Variants in CFAP54 observed in about 807,000 individuals in gnomAD.
CFAP54 encodes the protein cilia- and flagella-associated protein 54.
A neutral mutation model predicts 370.4 loss-of-function variants in CFAP54; 290 were observed. That is an observed-to-expected ratio of 0.78 (90% confidence interval 0.71 to 0.86). CFAP54 has a LOEUF of 0.86. Among genes scored for constraint, CFAP54 ranks in the 40% least tolerant of loss-of-function variants. The probability of loss-of-function intolerance (pLI) is 0.00; values close to 1 mark genes in which losing one functional copy is unlikely to be tolerated. For missense variants in CFAP54, 3,399 were observed against 3,528.7 expected (o/e 0.96, Z 0.93); for synonymous variants, 1,206 against 1,236.5 (o/e 0.98, Z 0.52).
intron 17 of CFAP54, among the ~76,000 whole-genome samples, chr12:96,560,185 G>C (rs1260298386): frequency 2.6e-5 from 4 of 151,994 alleles, no homozygotes; most frequent in African/African-American, 9.7e-5. Flanking sequence ...GTTAACTATA[G>C]CCACCCTATT....
At chr12:96,788,135 T>A (rs1170493662) in intron 62 of CFAP54, among the ~76,000 whole-genome samples, 1 of 152,148 alleles carries the variant, frequency 6.6e-6, no homozygotes. Context: ...CATATTTGCT[T>A]AAGTAACACT....
chr12:96,539,112 CTCAG>C (rs1312533440), intron 13 of CFAP54, among the ~76,000 whole-genome samples: 3 of 135,060 alleles, frequency 2.2e-5, no homozygotes, highest in African/African-American at 8.4e-5. Context: ...TGCTCTGTCA[CTCAG>C]TCTGGAGTGC....
intron 38 of CFAP54, 67 bp downstream of exon 38, chr12:96,658,413 A>G: frequency 3.9e-6 from 6 of 1,520,518 alleles, no homozygotes; most frequent in Non-Finnish European, 5.4e-6. Context: ...ATAAAATACA[A>G]AGATTTAGAA....
intron 58 of CFAP54, among the ~76,000 whole-genome samples, chr12:96,760,646 C>A (rs1958324894): frequency 6.6e-6 from 1 of 152,200 alleles, no homozygotes; most frequent in Non-Finnish European, 1.5e-5. Flanking sequence ...AATTCTCCTG[C>A]CTCAGCTTCC....
At chr12:96,791,290 T>A (rs989368125) in intron 62 of CFAP54, among the ~76,000 whole-genome samples, 3 of 152,018 alleles carry the variant, frequency 2.0e-5, no homozygotes, top group Non-Finnish European at 4.4e-5. Context: ...TTTTTTAGAC[T>A]TGAAATATTG....
chr12:96,549,089 C>T (rs535696527), intron 15 of CFAP54, among the ~76,000 whole-genome samples: 3 of 152,206 alleles, frequency 2.0e-5, no homozygotes, highest in Non-Finnish European at 4.4e-5. Flanking sequence ...CTCCTGACCT[C>T]GTGATCTGCC....
In CFAP54 at chr12:96,648,018, G is replaced by A; in HGVS notation, c.4690+1G>A. 6.7e-7 allele frequency: 1 copy of A among 1,497,702 alleles called. No homozygotes were observed. Among genetic ancestry groups the A allele is most frequent in the South Asian group, 1.3e-5 (1 of 76,814 alleles). 92.8% of individuals were successfully genotyped at this position (1,497,702 alleles called of 1,614,324 possible). A position where few individuals can be genotyped will look rare whatever the true frequency, so the allele number is the denominator to read the frequency against. ...AAAAGAAAGGCCAACTTACCATCAG[G>A]TAAAATAAACATGTTAGTTTATTAT... On this transcript the variant is annotated splice_donor_variant, in intron 34 of 67. Transcript: ENST00000524981. LOFTEE classifies it high-confidence loss of function.
intron 51 of CFAP54, among the ~76,000 whole-genome samples, chr12:96,740,471 A>G (rs1387424931): frequency 1.3e-5 from 2 of 152,218 alleles, no homozygotes. Flanking sequence ...TGGATTCCTC[A>G]TAGTTAGAAT....
At chr12:96,874,249 C>T (rs1026461953) in intron 67 of CFAP54, among the ~76,000 whole-genome samples, 2 of 152,164 alleles carry the variant, frequency 1.3e-5, no homozygotes, top group African/African-American at 4.8e-5. Flanking sequence ...TGGAATTGAT[C>T]TCAATTCCAC....
intron 66 of CFAP54, among the ~76,000 whole-genome samples, chr12:96,859,286 G>C (rs1321957688): frequency 6.6e-6 from 1 of 152,134 alleles, no homozygotes; most frequent in Non-Finnish European, 1.5e-5. Context: ...TTATGCATGT[G>C]GAAATTAAAG....
At chr12:96,557,946 A>G (rs1204331681) in intron 17 of CFAP54, among the ~76,000 whole-genome samples, 1 of 152,170 alleles carries the variant, frequency 6.6e-6, no homozygotes, top group Non-Finnish European at 1.5e-5. Context: ...CTTTGAAGAC[A>G]TTATGTATAA....
chr12:96,560,155 G>C (rs897056797), intron 17 of CFAP54, among the ~76,000 whole-genome samples: 3 of 152,078 alleles, frequency 2.0e-5, no homozygotes, highest in African/African-American at 7.2e-5. Context: ...TAGCTATTTT[G>C]AAATGTATAA....
At chr12:96,694,847 C>T (rs1011172605) in intron 45 of CFAP54, among the ~76,000 whole-genome samples, 1 of 151,956 alleles carries the variant, frequency 6.6e-6, no homozygotes, top group African/African-American at 2.4e-5. Context: ...CATGGTGAAA[C>T]CCCATCTCTA....
intron 26 of CFAP54, among the ~76,000 whole-genome samples, chr12:96,617,697 A>G (rs1007265641): frequency 1.3e-5 from 2 of 152,260 alleles, no homozygotes; most frequent in Non-Finnish European, 2.9e-5. Context: ...TCTTTAGAAT[A>G]TATTTATCTG....
At chr12:96,783,712 C>T (rs185345898) in intron 60 of CFAP54, among the ~76,000 whole-genome samples, 8 of 152,236 alleles carry the variant, frequency 5.3e-5, no homozygotes, top group Non-Finnish European at 7.4e-5. Flanking sequence ...CATGGAGAAA[C>T]GCCGTTTCTA....
intron 23 of CFAP54, among the ~76,000 whole-genome samples, chr12:96,589,808 A>G (rs981130276): frequency 1.3e-5 from 2 of 151,868 alleles, no homozygotes; most frequent in African/African-American, 4.8e-5. Context: ...GTGCAGTGGC[A>G]TGATCCTGGC....
chr12:96,667,456 T>C (rs1212337357), intron 39 of CFAP54, among the ~76,000 whole-genome samples: 6 of 151,262 alleles, frequency 4.0e-5, no homozygotes, highest in African/African-American at 1.4e-4. Flanking sequence ...ATCTCAGTTC[T>C]TGACTTCTGT....
chr12:96,681,327 T>C (rs918366073), intron 40 of CFAP54, among the ~76,000 whole-genome samples: 2 of 152,034 alleles, frequency 1.3e-5, no homozygotes, highest in African/African-American at 4.8e-5. Context: ...TATAGATTTT[T>C]CTCTTATGTC....
intron 60 of CFAP54, among the ~76,000 whole-genome samples, chr12:96,776,039 C>G (rs944571543): frequency 1.3e-5 from 2 of 151,926 alleles, no homozygotes; most frequent in African/African-American, 2.4e-5. Context: ...GTTATTATTT[C>G]AGATCACTTT....
Sources: allele counts gnomAD v4.1 joint callset (sites outside exome capture counted in the v4.1 genomes callset), GRCh38; gene constraint gnomAD v4.1.1; transcripts MANE v1.5; gene names NCBI Gene and HGNC (gene_info 2026-07-23, HGNC 2026-07-21).